RBM22: variants seen among roughly 807,000 people sequenced by gnomAD.
The protein encoded by RBM22 is RNA binding motif protein 22, also known as pre-mRNA-splicing factor RBM22.
RBM22 carries 1 observed loss-of-function variant against 50.1 expected under a neutral mutation model. That is an observed-to-expected ratio of 0.02 (90% CI 0.01 to 0.09). RBM22 has a LOEUF of 0.09. Among genes scored for constraint, RBM22 ranks in the 10% least tolerant of loss-of-function variants. RBM22 has a pLI of 1.00. For missense variants in RBM22, 264 were observed against 529.3 expected (o/e 0.50, Z 4.92); for synonymous variants, 152 against 179.0 (o/e 0.85, Z 1.20).
Position 150,694,106 on chromosome 5 carries a change from T to C in RBM22, c.881A>G (p.Asn294Ser), listed in dbSNP as rs1316794985. The change falls in exon 8 of 11, where the codon AAT (asparagine) becomes AGT (serine). Residue 294 changes from asparagine (N) to serine (S), a missense_variant. Physicochemically the swap from Asn to Ser is conservative, Grantham distance 46 (BLOSUM62 1). Transcript: ENST00000199814. ...AEKSFNKLIV[N>S]GRRLNVKWGR... ...CCATTTCACATTCAGTCTGCGGCCA[T>C]TTACAATCAACTTATTAAAGGACTT... 6.2e-7 allele frequency: 1 copy of C among 1,613,922 alleles called. No individual in the cohort carries two copies. The highest frequency in any genetic ancestry group is 1.1e-5 in the South Asian group (1 of 91,046).
In RBM22 at chr5:150,695,515, G is replaced by A. The variant is rs767620486; in HGVS notation, c.737C>T (p.Thr246Ile). Reference protein sequence around the residue: ...VGGLGDTITETDLRNHFYQFG... With the variant: ...VGGLGDTITEIDLRNHFYQFG... Reference sequence around the variant, plus strand: ...ACTTATACCCACAAACCTTAAATCTGTCTCAGTAATGGTATCACCTAGACC... The same window carrying A: ...ACTTATACCCACAAACCTTAAATCTATCTCAGTAATGGTATCACCTAGACC... The change falls in exon 7 of 11, where the codon ACA (threonine) becomes ATA (isoleucine). Residue 246 changes from threonine (T) to isoleucine (I), a missense_variant. Physicochemically the swap from Thr to Ile is moderately conservative, Grantham distance 89. Transcript: ENST00000199814. 1.2e-6 allele frequency: 2 copies of A among 1,612,338 alleles called. No homozygotes were observed. The highest frequency in any genetic ancestry group is 1.7e-6 in the Non-Finnish European group (2 of 1,178,796).
At chr5:150,698,660 G>A in intron 3 of RBM22, 29 bp from the exon 4 acceptor site, 1 of 1,612,512 alleles carries the variant, frequency 6.2e-7, no homozygotes, top group Non-Finnish European at 8.5e-7. Flanking sequence ...GCCATAGAAT[G>A]TCAATGGTCC....
intron 6 of RBM22, 52 bp from the exon 7 acceptor site, chr5:150,695,758 T>C (rs1759268537): frequency 1.4e-6 from 2 of 1,450,740 alleles, no homozygotes; most frequent in South Asian, 2.3e-5. Flanking sequence ...GGTGAAAAAA[T>C]GATTATCTTC....
At position 150,696,616 on chromosome 5, in the gene RBM22, T is replaced by G. The variant is rs974514394; in HGVS notation, c.462A>C (p.Thr154=). Residue 154 remains threonine, a synonymous_variant, in exon 6 of 11, where the codon ACA becomes ACC. Coordinates refer to ENST00000199814, the MANE Select transcript of RBM22 (RefSeq NM_018047.3). This position sits in a 1 kb window ranked among gnomAD's most constrained non-coding sequence, Gnocchi z 4.3. The part of the protein sequence containing the change: ...SDMLLKLART[T]PYYKRNRPHI... Reference sequence around the variant, plus strand: ...GGGGTCGATTCCTTTTGTAGTAGGGTGTGGTCCGGGCCAGTTTGAGCAGCA... The same window carrying G: ...GGGGTCGATTCCTTTTGTAGTAGGGGGTGGTCCGGGCCAGTTTGAGCAGCA... 6.2e-7 allele frequency: 1 copy of G among 1,614,128 alleles called. No individual in the cohort carries two copies. Among genetic ancestry groups the G allele is most frequent in the Non-Finnish European group, 8.5e-7 (1 of 1,180,012 alleles).
rs140690772 is a variant in RBM22, at chr5:150,695,377, T to C, written c.746+129A>G. On this transcript the variant is annotated intron_variant, in intron 7 of 10. Transcript: ENST00000199814. ...AATTTTACAAAAATTCCAGTCAGCA[T>C]GATACTAACAATAGAGAGACTACAG... 3,351 of 824,108 alleles carry C rather than the reference T, an allele frequency of 4.1e-3. 14 individuals are homozygous for C. Among genetic ancestry groups the C allele is most frequent in the Non-Finnish European group, 4.8e-3 (2,579 of 532,500 alleles). 51.0% of individuals were successfully genotyped at this position (824,108 alleles called of 1,614,324 possible). A position where few individuals can be genotyped will look rare whatever the true frequency, so the allele number is the denominator to read the frequency against.
At chr5:150,692,300 A>G (rs1466745378) in intron 10 of RBM22, among the ~76,000 whole-genome samples, 2 of 152,200 alleles carry the variant, frequency 1.3e-5, no homozygotes, top group Non-Finnish European at 2.9e-5. Flanking sequence ...CTGCCACAGG[A>G]GAACTGGCTA....
At position 150,691,497 on chromosome 5, in the gene RBM22, T is replaced by A. The variant is rs1759208275; in HGVS notation, c.*254A>T. The stretch of plus-strand genomic sequence containing the variant: ...CTCATCTGCGTGTCCCCCACACGGG[T>A]AAGGGGAACAGGCGTTCGGTTTTAT... On this transcript the variant is annotated 3_prime_UTR_variant, in exon 11 of 11. Transcript: ENST00000199814. 3.3e-6 allele frequency: 1 copy of A among 300,636 alleles called. No individual in the cohort carries two copies. 18.6% of individuals were successfully genotyped at this position (300,636 alleles called of 1,614,324 possible). A position where few individuals can be genotyped will look rare whatever the true frequency, so the allele number is the denominator to read the frequency against.
Sources: allele counts gnomAD v4.1 joint callset (sites outside exome capture counted in the v4.1 genomes callset), GRCh38; gene constraint gnomAD v4.1.1; non-coding constraint Gnocchi (gnomAD v3.1); transcripts MANE v1.5; gene names NCBI Gene and HGNC (gene_info 2026-07-23, HGNC 2026-07-21).